PRELID2: variants seen among roughly 807,000 people sequenced by gnomAD.
PRELID2 encodes the protein PRELI domain containing 2.
In PRELID2, 25 loss-of-function variants were observed where a neutral mutation model predicts 28.4. That is an observed-to-expected ratio of 0.88 (90% CI 0.64 to 1.23). The LOEUF is 1.23. PRELID2 is among the 50% of genes most tolerant of loss of function. The pLI, the probability that PRELID2 is intolerant of heterozygous loss-of-function variation, is 0.00. For synonymous variants in PRELID2, 76 were observed against 71.6 expected, an observed-to-expected ratio of 1.06 and a Z score of -0.31; for missense variants, 201 against 214.4, an observed-to-expected ratio of 0.94 and a Z score of 0.39.
intron 1 of PRELID2, among the ~76,000 whole-genome samples, chr5:145,608,423 G>A (rs1753540550): frequency 6.6e-6 from 1 of 152,136 alleles, no homozygotes; most frequent in Non-Finnish European, 1.5e-5. Flanking sequence ...AGGATCTCTT[G>A]TAAGGCTGGT....
chr5:145,793,997 T>C (rs1752571510), intron 5 of PRELID2, among the ~76,000 whole-genome samples: 1 of 152,156 alleles, frequency 6.6e-6, no homozygotes, highest in South Asian at 2.1e-4. Flanking sequence ...TCCACCTTCC[T>C]GGTGGTGCCT....
chr5:145,339,937 C>T, the PRELID2 span, among the ~76,000 whole-genome samples: 1 of 152,152 alleles, frequency 6.6e-6, no homozygotes, highest in Admixed American at 6.5e-5. Flanking sequence ...AATCTTATTG[C>T]TGCTGCTGTG....
chr5:145,317,609 G>A, the PRELID2 span, among the ~76,000 whole-genome samples: 1 of 152,140 alleles, frequency 6.6e-6, no homozygotes, highest in Non-Finnish European at 1.5e-5. Flanking sequence ...AAGACTGGGG[G>A]GTGGAGAAAA....
chr5:145,458,418 T>C, the PRELID2 span, among the ~76,000 whole-genome samples: 1 of 152,208 alleles, frequency 6.6e-6, no homozygotes, highest in Non-Finnish European at 1.5e-5. Flanking sequence ...TTAAAAATAA[T>C]GTAAAATTGT....
chr5:145,317,745 CTT>C, the PRELID2 span, among the ~76,000 whole-genome samples: 1 of 152,174 alleles, frequency 6.6e-6, no homozygotes, highest in Non-Finnish European at 1.5e-5. Flanking sequence ...TATCAGGTGA[CTT>C]TGTCCCTGGG....
intron 1 of PRELID2, among the ~76,000 whole-genome samples, chr5:145,746,784 TA>T (rs1481531004): frequency 1.3e-5 from 2 of 152,112 alleles, no homozygotes; most frequent in East Asian, 1.9e-4. Context: ...TAATTGGAAG[TA>T]AAAAACTCCT....
At chr5:145,592,780 A>G (rs1753250793) in intron 1 of PRELID2, among the ~76,000 whole-genome samples, 1 of 152,202 alleles carries the variant, frequency 6.6e-6, no homozygotes, top group South Asian at 2.1e-4. Flanking sequence ...ATAACATTTA[A>G]TGTAAAAATG....
At position 145,760,085 on chromosome 5, in the gene PRELID2, C is replaced by T. The variant is rs191424399; in HGVS notation, c.*451G>A. ...ACCCGTGAATCAGGTACCAGTTCAA[C>T]TCCCTTATTGGTTCCAGAATCCCCT... On this transcript the variant is annotated 3_prime_UTR_variant, in exon 7 of 7. Coordinates refer to ENST00000683046, the MANE Select transcript of PRELID2 (RefSeq NM_205846.3). The T allele has an allele frequency of 3.2e-4, 49 of 152,272 alleles. No individual in the cohort carries two copies. The highest frequency in any genetic ancestry group is 3.1e-3 in the Admixed American group (47 of 15,290). 9.4% of individuals were successfully genotyped at this position (152,272 alleles called of 1,614,324 possible). A position where few individuals can be genotyped will look rare whatever the true frequency, so the allele number is the denominator to read the frequency against.
the PRELID2 span, among the ~76,000 whole-genome samples, chr5:145,326,325 A>T: frequency 2.6e-5 from 4 of 152,164 alleles, no homozygotes; most frequent in South Asian, 8.3e-4. Context: ...TTAAAGTGTC[A>T]GTTCTCCCCC....
At chr5:145,567,557 T>C (rs1229121947) in intron 1 of PRELID2, among the ~76,000 whole-genome samples, 1 of 152,132 alleles carries the variant, frequency 6.6e-6, no homozygotes. Flanking sequence ...TTTGTACTTT[T>C]AGTAGAGATG....
the PRELID2 span, among the ~76,000 whole-genome samples, chr5:145,337,663 A>G: frequency 6.8e-6 from 1 of 146,116 alleles, no homozygotes; most frequent in African/African-American, 2.5e-5. Flanking sequence ...ATGAACAGCC[A>G]CAGGAAATAG....
chr5:145,391,662 A>G, the PRELID2 span, among the ~76,000 whole-genome samples: 1 of 148,798 alleles, frequency 6.7e-6, no homozygotes, highest in Non-Finnish European at 1.5e-5. Context: ...GAGGGCTTAC[A>G]TTTCTCCCTA....
At chr5:145,301,282 T>C in the PRELID2 span, among the ~76,000 whole-genome samples, 1 of 152,186 alleles carries the variant, frequency 6.6e-6, no homozygotes, top group Non-Finnish European at 1.5e-5. Context: ...TCACCATTCA[T>C]GTATTTCCTT....
intron 1 of PRELID2, among the ~76,000 whole-genome samples, chr5:145,687,304 C>A (rs1470663429): frequency 6.6e-6 from 1 of 152,182 alleles, no homozygotes; most frequent in East Asian, 1.9e-4. Flanking sequence ...CCAGTCTTAG[C>A]TCTGCCATTT....
chr5:145,307,299 C>T, the PRELID2 span, among the ~76,000 whole-genome samples: 1 of 152,182 alleles, frequency 6.6e-6, no homozygotes, highest in African/African-American at 2.4e-5. Flanking sequence ...AAGCCCAGTC[C>T]TCACCCTGAG....
chr5:145,425,466 T>G, the PRELID2 span, among the ~76,000 whole-genome samples: 1 of 152,224 alleles, frequency 6.6e-6, no homozygotes, highest in South Asian at 2.1e-4. Context: ...ATACATTAAC[T>G]GCAGCCCTAT....
the PRELID2 span, among the ~76,000 whole-genome samples, chr5:145,347,649 G>C: frequency 6.6e-6 from 1 of 152,132 alleles, no homozygotes; most frequent in African/African-American, 2.4e-5. Flanking sequence ...CAGTGAGGTG[G>C]TTGAGGGTTC....
At chr5:145,294,764 T>C in the PRELID2 span, among the ~76,000 whole-genome samples, 38 of 152,238 alleles carry the variant, frequency 2.5e-4, 1 homozygote, top group South Asian at 7.7e-3. Flanking sequence ...ATCCCTACAG[T>C]GATGTTCTAT....
rs1044603553 is a variant in PRELID2, at chr5:145,821,892, C to T, written c.133+1185G>A. Among the ~76,000 whole-genome samples the T allele has an allele frequency of 3.3e-5, 5 of 152,276 alleles. No individual in the cohort carries two copies. The East Asian group carries it at 9.6e-4, about 29-fold the overall frequency. On this transcript the variant is annotated intron_variant, in intron 2 of 6. Coordinates refer to ENST00000683046, the MANE Select transcript of PRELID2 (RefSeq NM_205846.3). ...CGTTTGACAGATGAAGAAACTGAGG[C>T]TCCAAAAAGTTGGGTCACCAAGGTA...
Sources: allele counts gnomAD v4.1 joint callset (sites outside exome capture counted in the v4.1 genomes callset), GRCh38; gene constraint gnomAD v4.1.1; transcripts MANE v1.5; gene names NCBI Gene and HGNC (gene_info 2026-07-23, HGNC 2026-07-21).